Variants in NELL1 observed in about 807,000 individuals in gnomAD.
NELL1 encodes protein kinase C-binding protein NELL1.
Under a neutral mutation model 107.4 loss-of-function variants are expected in NELL1, and 76 were observed. The observed-to-expected ratio is 0.71, with a 90% CI of 0.59 to 0.86. NELL1 has a LOEUF of 0.86. Among genes scored for constraint, NELL1 ranks in the 40% least tolerant of loss-of-function variants. NELL1 has a pLI of 0.00. For missense variants in NELL1, 1,024 were observed against 1,005.5 expected (o/e 1.02, Z -0.25); for synonymous variants, 353 against 341.2 (o/e 1.03, Z -0.38).
At chr11:20,745,790 T>A (rs1406998804) in intron 2 of NELL1, among the ~76,000 whole-genome samples, 1 of 152,182 alleles carries the variant, frequency 6.6e-6, no homozygotes, top group Non-Finnish European at 1.5e-5. Context: ...AATGCCATAA[T>A]CTTCTAGATG....
intron 14 of NELL1, among the ~76,000 whole-genome samples, chr11:21,356,804 G>T (rs1193515084): frequency 2.6e-5 from 4 of 151,972 alleles, no homozygotes; most frequent in Non-Finnish European, 5.9e-5. Flanking sequence ...CCCTTGAACC[G>T]CTCCCTCCTT....
intron 19 of NELL1, among the ~76,000 whole-genome samples, chr11:21,573,769 A>C (rs189295355): frequency 6.6e-6 from 1 of 151,676 alleles, no homozygotes; most frequent in Non-Finnish European, 1.5e-5. Context: ...GAAAAGAAGG[A>C]AGGAAGGGAG....
rs546449027 is a variant in NELL1 at position 20,690,551 on chromosome 11, A to G, written c.184+12491A>G. Among the ~76,000 whole-genome samples the G allele has an allele frequency of 2.0e-3, 296 of 147,572 alleles. 3 individuals are homozygous for G. Among genetic ancestry groups the G allele is most frequent in the Non-Finnish European group, 3.4e-3 (226 of 66,326 alleles). ...TTATTAAATAGGGAATCCTTTCCCC[A>G]TTGCTTGTTTTTCTCAGGTTTGTCA... is the stretch of plus-strand genomic sequence containing the variant. On this transcript the variant is annotated intron_variant, in intron 2 of 19. Transcript: ENST00000357134.
intron 15 of NELL1, among the ~76,000 whole-genome samples, chr11:21,476,216 G>A (rs1854328769): frequency 6.6e-6 from 1 of 152,114 alleles, no homozygotes; most frequent in African/African-American, 2.4e-5. Context: ...AATTTTAGCT[G>A]TGCCTGATTT....
chr11:21,444,382 C>T (rs912802458), intron 15 of NELL1, among the ~76,000 whole-genome samples: 5 of 152,046 alleles, frequency 3.3e-5, no homozygotes, highest in African/African-American at 1.2e-4. Flanking sequence ...TCTTGATATG[C>T]ACAAGTTTAA....
intron 12 of NELL1, among the ~76,000 whole-genome samples, chr11:21,002,806 A>C (rs1379881462): frequency 6.6e-6 from 1 of 152,148 alleles, no homozygotes; most frequent in African/African-American, 2.4e-5. Context: ...TTCCACCTGC[A>C]GTTGTCACAC....
At chr11:20,807,883 C>T (rs1331037865) in intron 3 of NELL1, among the ~76,000 whole-genome samples, 1 of 152,126 alleles carries the variant, frequency 6.6e-6, no homozygotes, top group Non-Finnish European at 1.5e-5. Context: ...CCCTTAAGGC[C>T]CAAAGTCTCT....
chr11:20,957,466 C>T (rs890875559), intron 11 of NELL1, among the ~76,000 whole-genome samples: 7 of 152,276 alleles, frequency 4.6e-5, no homozygotes, highest in African/African-American at 1.7e-4. Context: ...CCTCAAATCT[C>T]ACACATTAAA....
chr11:21,101,771 T>G (rs1483494879), intron 12 of NELL1, among the ~76,000 whole-genome samples: 1 of 152,350 alleles, frequency 6.6e-6, no homozygotes, highest in Non-Finnish European at 1.5e-5. Context: ...TGCAACAATT[T>G]TCTCCCATTC....
At chr11:20,677,462 C>T (rs1854086836) in intron 1 of NELL1, among the ~76,000 whole-genome samples, 1 of 152,170 alleles carries the variant, frequency 6.6e-6, no homozygotes, top group South Asian at 2.1e-4. Flanking sequence ...CTGAGTTGAA[C>T]TCATTTCATG....
At chr11:20,980,724 G>T (rs1321796508) in intron 12 of NELL1, among the ~76,000 whole-genome samples, 1 of 152,086 alleles carries the variant, frequency 6.6e-6, no homozygotes, top group Non-Finnish European at 1.5e-5. Flanking sequence ...CTTTGCTAAT[G>T]CCCTACCCCA....
rs1329293823 is a variant in NELL1, at chr11:21,570,000, C to G, written c.1981-764C>G. 2.0e-5 allele frequency among the ~76,000 whole-genome samples: 3 copies of G among 151,766 alleles called. No homozygotes were observed. The East Asian group carries it at 5.9e-4, about 30-fold the overall frequency. The stretch of plus-strand genomic sequence containing the variant: ...ACATTGTTTAAGAAATTACTGTAAG[C>G]AACAGACATAAAAAAAAGACATGCT... On this transcript the variant is annotated intron_variant, in intron 17 of 19. Transcript: ENST00000357134.
At chr11:20,675,040 C>G (rs866764011) in intron 1 of NELL1, among the ~76,000 whole-genome samples, 29 of 152,260 alleles carry the variant, frequency 1.9e-4, no homozygotes, top group Middle Eastern at 3.4e-3. Context: ...GGCTTGGTTT[C>G]AAACTCAGGT....
chr11:21,488,337 T>G (rs1854698169), intron 15 of NELL1, among the ~76,000 whole-genome samples: 1 of 152,190 alleles, frequency 6.6e-6, no homozygotes, highest in Non-Finnish European at 1.5e-5. Context: ...TTTTTTGAAC[T>G]TGCTTTCATA....
At chr11:21,180,918 A>G (rs1856813052) in intron 13 of NELL1, among the ~76,000 whole-genome samples, 1 of 151,806 alleles carries the variant, frequency 6.6e-6, no homozygotes, top group African/African-American at 2.4e-5. Flanking sequence ...TTCTAGGTGA[A>G]TCCTGAATCC....
chr11:21,382,121 C>T (rs1851628337), intron 15 of NELL1, among the ~76,000 whole-genome samples: 1 of 151,736 alleles, frequency 6.6e-6, no homozygotes, highest in Non-Finnish European at 1.5e-5. Flanking sequence ...TGAAGAAAGG[C>T]AAACATTCTA....
In NELL1 at chr11:20,915,291, A is replaced by G. The variant is rs117511117; in HGVS notation, c.604-2891A>G. On this transcript the variant is annotated intron_variant, in intron 5 of 19. Transcript: ENST00000357134. ...AGCAAATGGTTGACAATAAAGCAGAATTTTTCAAAGTGAGGTCCTTTTACC... is the reference window on the plus strand; with the variant it reads ...AGCAAATGGTTGACAATAAAGCAGAGTTTTTCAAAGTGAGGTCCTTTTACC... Among the ~76,000 whole-genome samples, 31 of 151,966 alleles carry G rather than the reference A, an allele frequency of 2.0e-4. No individual in the cohort carries two copies. The East Asian group carries it at 5.0e-3, about 25-fold the overall frequency.
rs561381673 is a variant in NELL1, at chr11:21,484,688, A to G, written c.1646-49686A>G. Among the ~76,000 whole-genome samples the G allele has an allele frequency of 5.9e-5, 9 of 152,278 alleles. No individual in the cohort carries two copies. In the East Asian group the frequency reaches 1.7e-3, roughly 29 times the overall value. The stretch of plus-strand genomic sequence containing the variant: ...CATATGTACATATATGTATGAATAA[A>G]TATAAAATTATAGAAATCATTTGAA... On this transcript the variant is annotated intron_variant, in intron 15 of 19. Transcript: ENST00000357134.
At chr11:20,974,846 A>C (rs1036982834) in intron 12 of NELL1, among the ~76,000 whole-genome samples, 1 of 152,186 alleles carries the variant, frequency 6.6e-6, no homozygotes, top group Non-Finnish European at 1.5e-5. Context: ...TAAATTTAAA[A>C]AAGATAAATG....
Sources: allele counts gnomAD v4.1 joint callset (sites outside exome capture counted in the v4.1 genomes callset), GRCh38; gene constraint gnomAD v4.1.1; transcripts MANE v1.5; gene names NCBI Gene and HGNC (gene_info 2026-07-23, HGNC 2026-07-21).